SYT16: variants seen among roughly 807,000 people sequenced by gnomAD.
The protein encoded by SYT16 is synaptotagmin-16.
A neutral mutation model predicts 61.4 loss-of-function variants in SYT16; 42 were observed. The ratio of observed to expected loss-of-function variants is 0.68; its 90% confidence interval spans 0.53 to 0.89. The LOEUF (loss-of-function observed/expected upper bound fraction) is 0.89, where lower values mean the gene tolerates loss of function less well. Ranked by LOEUF, SYT16 falls within the 40% of genes least tolerant of loss-of-function variation. The pLI, the probability that SYT16 is intolerant of heterozygous loss-of-function variation, is 0.00. For synonymous variants in SYT16, 314 were observed against 302.3 expected (o/e 1.04, Z -0.40); for missense variants, 804 against 807.3 (o/e 1.00, Z 0.05).
chr14:61,918,531 C>A (rs989946382), intron 1 of SYT16, among the ~76,000 whole-genome samples: 5 of 152,036 alleles, frequency 3.3e-5, no homozygotes, highest in Admixed American at 1.3e-4. Context: ...TTGAAAATAC[C>A]TAGTAGCCTG....
At chr14:62,000,588 ATTGAT>A (rs1233965297) in intron 3 of SYT16, among the ~76,000 whole-genome samples, 5 of 151,824 alleles carry the variant, frequency 3.3e-5, no homozygotes. Context: ...TTCTTGCTAG[ATTGAT>A]TTGTTTGTTC....
intron 1 of SYT16, among the ~76,000 whole-genome samples, chr14:61,934,571 A>G (rs988390489): frequency 5.3e-5 from 8 of 152,230 alleles, no homozygotes; most frequent in Non-Finnish European, 1.0e-4. Flanking sequence ...AGCCAGTGCT[A>G]TAAGGAGATG....
intron 3 of SYT16, among the ~76,000 whole-genome samples, chr14:62,045,223 AT>A (rs1472605397): frequency 2.0e-5 from 3 of 152,176 alleles, no homozygotes; most frequent in Non-Finnish European, 4.4e-5. Flanking sequence ...CATAAGTGAG[AT>A]TGATCTACTG....
chr14:61,998,406 T>C (rs2052857632), intron 3 of SYT16, among the ~76,000 whole-genome samples: 1 of 151,974 alleles, frequency 6.6e-6, no homozygotes, highest in African/African-American at 2.4e-5. Flanking sequence ...GCCTCTCTTG[T>C]TTTATCTTTT....
At chr14:61,989,717 C>T (rs2052469094) in intron 2 of SYT16, among the ~76,000 whole-genome samples, 2 of 152,148 alleles carry the variant, frequency 1.3e-5, no homozygotes, top group Non-Finnish European at 2.9e-5. Flanking sequence ...TGCCTTGTGC[C>T]ATGGAGTAAG....
intron 1 of SYT16, among the ~76,000 whole-genome samples, chr14:61,921,838 A>T (rs2049345670): frequency 6.6e-6 from 1 of 152,208 alleles, no homozygotes; most frequent in Non-Finnish European, 1.5e-5. Context: ...TGGAAGTGGG[A>T]TGAAAGAGCC....
intron 1 of SYT16, among the ~76,000 whole-genome samples, chr14:61,878,879 G>A (rs1002840927): frequency 6.6e-6 from 1 of 152,092 alleles, no homozygotes; most frequent in Non-Finnish European, 1.5e-5. Context: ...AATAGCAGGG[G>A]CTTGGAGTGG....
chr14:62,079,746 G>T (rs912618232), intron 5 of SYT16, among the ~76,000 whole-genome samples: 6 of 152,190 alleles, frequency 3.9e-5, no homozygotes, highest in African/African-American at 1.2e-4. Context: ...GAGGAAAATA[G>T]AATTATTATT....
chr14:61,907,927 G>T (rs12433612), intron 1 of SYT16, among the ~76,000 whole-genome samples: 1 of 152,106 alleles, frequency 6.6e-6, no homozygotes, highest in Non-Finnish European at 1.5e-5. Context: ...AGGTGCCACA[G>T]GATCTTTAGG....
At chr14:61,896,679 A>G (rs1381816830) in intron 1 of SYT16, among the ~76,000 whole-genome samples, 1 of 152,236 alleles carries the variant, frequency 6.6e-6, no homozygotes, top group Non-Finnish European at 1.5e-5. Context: ...TAGGCCAGTA[A>G]AATATGCCAA....
At chr14:62,057,092 G>C (rs2055596913) in intron 3 of SYT16, among the ~76,000 whole-genome samples, 1 of 152,212 alleles carries the variant, frequency 6.6e-6, no homozygotes, top group African/African-American at 2.4e-5. Flanking sequence ...GCCCAGTTCT[G>C]CCTGCTTTTT....
At chr14:61,979,769 C>T (rs2051986270) in intron 2 of SYT16, among the ~76,000 whole-genome samples, 1 of 152,058 alleles carries the variant, frequency 6.6e-6, no homozygotes, top group Non-Finnish European at 1.5e-5. Flanking sequence ...GTAGTCCCTG[C>T]TACCCAGGAG....
intron 3 of SYT16, among the ~76,000 whole-genome samples, chr14:62,021,066 T>A (rs1280384655): frequency 1.3e-5 from 2 of 152,228 alleles, no homozygotes; most frequent in Non-Finnish European, 2.9e-5. Flanking sequence ...TAAGAACTCA[T>A]CTTGTATTAT....
intron 3 of SYT16, among the ~76,000 whole-genome samples, chr14:62,053,107 TA>T (rs1445386358): frequency 6.6e-6 from 1 of 152,180 alleles, no homozygotes; most frequent in Non-Finnish European, 1.5e-5. Flanking sequence ...GTGATTCTGG[TA>T]AGGGCTCAGA....
intron 1 of SYT16, chr14:61,831,886 T>C: frequency 2.1e-6 from 1 of 480,188 alleles, no homozygotes; most frequent in Non-Finnish European, 4.0e-6. Context: ...GTTCTTGTCA[T>C]AGTCCCACTT....
At chr14:61,868,485 A>C (rs2047230138) in intron 1 of SYT16, among the ~76,000 whole-genome samples, 1 of 151,886 alleles carries the variant, frequency 6.6e-6, no homozygotes, top group South Asian at 2.1e-4. Context: ...GCTGCATTGC[A>C]TTCATTTTGG....
chr14:61,838,970 GC>G (rs1044229688), intron 1 of SYT16, among the ~76,000 whole-genome samples: 1 of 150,210 alleles, frequency 6.7e-6, no homozygotes, highest in African/African-American at 2.5e-5. Context: ...TTCCCCACCG[GC>G]CCCCCACCCC....
chr14:62,069,395 G>A lies in SYT16; in HGVS notation c.524-208G>A, dbSNP rs575378674. On this transcript the variant is annotated intron_variant, in intron 3 of 7. Transcript: ENST00000683842. ...TTGTCTTGGGTTCTAGCTATATACC[G>A]TATTTCTAATTACCTTCATGAGCAT... The A allele has an allele frequency of 3.1e-4, 181 of 580,672 alleles. 1 individual carries two copies. The highest frequency in any genetic ancestry group is 9.7e-4 in the Admixed American group (32 of 32,864). The allele number at this position is 580,672 out of a possible 1,614,324, so 36.0% of individuals were successfully genotyped here. A position where few individuals can be genotyped will look rare whatever the true frequency, so the allele number is the denominator to read the frequency against.
At chr14:61,821,767 T>G (rs537088555) in intron 1 of SYT16, among the ~76,000 whole-genome samples, 1 of 152,204 alleles carries the variant, frequency 6.6e-6, no homozygotes, top group Non-Finnish European at 1.5e-5. Flanking sequence ...AGGAAGGGAT[T>G]AAACAAGGAT....
Sources: allele counts gnomAD v4.1 joint callset (sites outside exome capture counted in the v4.1 genomes callset), GRCh38; gene constraint gnomAD v4.1.1; transcripts MANE v1.5; gene names NCBI Gene and HGNC (gene_info 2026-07-23, HGNC 2026-07-21).